The following CACNA1C variants were observed in gnomAD, a reference collection of about 807,000 sequenced individuals.
CACNA1C encodes voltage-dependent L-type calcium channel subunit alpha-1C.
A neutral mutation model predicts 229.0 loss-of-function variants in CACNA1C; 30 were observed. That is an observed-to-expected ratio of 0.13 (90% CI 0.10 to 0.18). The LOEUF (loss-of-function observed/expected upper bound fraction) is 0.18, where lower values mean the gene tolerates loss of function less well. Ranked by LOEUF, CACNA1C falls within the 10% of genes least tolerant of loss-of-function variation. The pLI, the probability that CACNA1C is intolerant of heterozygous loss-of-function variation, is 1.00. For synonymous variants in CACNA1C, 1,114 were observed against 1,132.5 expected, an observed-to-expected ratio of 0.98 and a Z score of 0.33; for missense variants, 1,658 against 2,845.0, an observed-to-expected ratio of 0.58 and a Z score of 9.49.
At chr12:2,115,735 C>G (rs1277411743) in intron 2 of CACNA1C, among the ~76,000 whole-genome samples, 190 bp downstream of exon 2, 2 of 152,258 alleles carry the variant, frequency 1.3e-5, no homozygotes, top group Non-Finnish European at 2.9e-5. Flanking sequence ...CTGGATGAAT[C>G]AGAATATCTG....
At chr12:2,198,131 A>C (rs898545764) in intron 3 of CACNA1C, among the ~76,000 whole-genome samples, 1 of 152,192 alleles carries the variant, frequency 6.6e-6, no homozygotes, top group Non-Finnish European at 1.5e-5. Flanking sequence ...GTCGAGGCCG[A>C]GTTTGCATCC....
chr12:2,662,214 T>A (rs2153697046), intron 34 of CACNA1C, among the ~76,000 whole-genome samples: 1 of 148,994 alleles, frequency 6.7e-6, no homozygotes, highest in South Asian at 2.2e-4. Flanking sequence ...TGCACTGCAG[T>A]CTGGGGGACA....
chr12:2,355,787 G>A (rs751808223), intron 3 of CACNA1C, among the ~76,000 whole-genome samples: 41 of 152,332 alleles, frequency 2.7e-4, no homozygotes, highest in East Asian at 1.4e-3. Flanking sequence ...GGCATCTAGC[G>A]GGTAGAGGCC....
At chr12:2,674,750 G>T in intron 39 of CACNA1C, 108 bp downstream of exon 39, 1 of 1,087,948 alleles carries the variant, frequency 9.2e-7, no homozygotes, top group South Asian at 1.6e-5. Flanking sequence ...CATCCCCTGA[G>T]ACTTGCTTCT....
chr12:2,609,399 G>T (rs2076658737), intron 27 of CACNA1C, among the ~76,000 whole-genome samples: 1 of 151,848 alleles, frequency 6.6e-6, no homozygotes, highest in South Asian at 2.1e-4. Context: ...AGCGCAGCGT[G>T]GTGTGCTCCT....
intron 3 of CACNA1C, among the ~76,000 whole-genome samples, chr12:2,178,871 G>A (rs1373152519): frequency 2.0e-5 from 3 of 152,096 alleles, no homozygotes; most frequent in African/African-American, 7.2e-5. Context: ...AGACCAGCCT[G>A]GCCAACATGA....
At chr12:2,581,885 C>G in intron 14 of CACNA1C, 88 bp downstream of exon 14, 1 of 788,622 alleles carries the variant, frequency 1.3e-6, no homozygotes, top group South Asian at 1.7e-5. Context: ...ACCCTTTTAC[C>G]GGGCAGCCAC....
chr12:2,586,918 T>C (rs1252505539), intron 18 of CACNA1C, among the ~76,000 whole-genome samples: 1 of 152,246 alleles, frequency 6.6e-6, no homozygotes, highest in African/African-American at 2.4e-5. Context: ...TTTGAAGTTC[T>C]TAAAACCCCT....
intron 9 of CACNA1C, among the ~76,000 whole-genome samples, chr12:2,516,807 A>G (rs962146743): frequency 2.0e-5 from 3 of 152,210 alleles, no homozygotes; most frequent in African/African-American, 7.2e-5. Context: ...TGAGTATGTA[A>G]TAAGGAATGA....
At chr12:2,268,222 A>T (rs2083192351) in intron 3 of CACNA1C, among the ~76,000 whole-genome samples, 1 of 152,000 alleles carries the variant, frequency 6.6e-6, no homozygotes, top group South Asian at 2.1e-4. Flanking sequence ...CCCTCTGAAG[A>T]GGGTTTAGCT....
intron 3 of CACNA1C, among the ~76,000 whole-genome samples, chr12:2,240,489 G>A (rs1324412656): frequency 6.6e-6 from 1 of 152,220 alleles, no homozygotes; most frequent in African/African-American, 2.4e-5. Flanking sequence ...AAAAGCCACT[G>A]ATAGGGCTCC....
intron 3 of CACNA1C, among the ~76,000 whole-genome samples, chr12:2,416,359 T>C (rs2098900457): frequency 6.8e-6 from 1 of 146,640 alleles, no homozygotes; most frequent in African/African-American, 2.5e-5. Context: ...GAAGGAGTGG[T>C]GGAAGAAAAG....
chr12:2,633,941 C>G lies in CACNA1C; in HGVS notation c.3829-356C>G, dbSNP rs2091723332. 6.6e-6 allele frequency among the ~76,000 whole-genome samples: 1 copy of G among 152,198 alleles called. No homozygotes were observed. The highest frequency in any genetic ancestry group is 1.5e-5 in the Non-Finnish European group (1 of 68,034). On this transcript the variant is annotated intron_variant, in intron 29 of 46. Transcript: ENST00000399655. The surrounding 1 kb of genome is among the most constrained non-coding windows in gnomAD (Gnocchi z 5.8). ...CCATTTACCTCAGCTCTGCCCGGCG[C>G]TGCCGGGCTGGGGCGTGGAGCTGAG...
chr12:2,688,617 C>T lies in CACNA1C; in HGVS notation c.5955C>T (p.Ser1985=), dbSNP rs2097649401. 3 of 1,613,876 alleles carry T rather than the reference C, an allele frequency of 1.9e-6. No homozygotes were observed. The highest frequency in any genetic ancestry group is 2.5e-6 in the Non-Finnish European group (3 of 1,179,904). ...TCGAGTCCAGTGAGAAACTCAACAGCAGCTTCCCATCCATCCACTGCGGCT... is the reference window on the plus strand; with the variant it reads ...TCGAGTCCAGTGAGAAACTCAACAGTAGCTTCCCATCCATCCACTGCGGCT... ...EGVESSEKLN[S]SFPSIHCGSW... is the part of the protein sequence containing the mutation. Residue 1985 remains serine, a synonymous_variant, in exon 46 of 47, where the codon AGC becomes AGT. Transcript: ENST00000399655.
intron 3 of CACNA1C, among the ~76,000 whole-genome samples, chr12:2,399,102 A>G (rs1487988550): frequency 6.6e-6 from 1 of 152,104 alleles, no homozygotes; most frequent in Admixed American, 6.6e-5. Context: ...CTTTGTGGGA[A>G]GGGGAGCATG....
At chr12:2,040,785 A>G (rs2049947717) in intron 1 of CACNA1C, among the ~76,000 whole-genome samples, 1 of 152,186 alleles carries the variant, frequency 6.6e-6, no homozygotes, top group African/African-American at 2.4e-5. Flanking sequence ...GTACCCTGCT[A>G]TGTCTATACT....
intron 5 of CACNA1C, among the ~76,000 whole-genome samples, chr12:2,469,050 G>T (rs1019716748): frequency 1.3e-5 from 2 of 152,200 alleles, no homozygotes; most frequent in African/African-American, 2.4e-5. Flanking sequence ...GAACGTTTCA[G>T]AGCCACCAAG....
chr12:2,525,582 A>T (rs2154580930), intron 9 of CACNA1C, among the ~76,000 whole-genome samples: 1 of 152,296 alleles, frequency 6.6e-6, no homozygotes, highest in South Asian at 2.1e-4. Flanking sequence ...GACCATAAAC[A>T]CACCCACAAG....
chr12:2,552,440 G>A (rs567077650), intron 10 of CACNA1C, among the ~76,000 whole-genome samples: 3 of 152,212 alleles, frequency 2.0e-5, no homozygotes, highest in Non-Finnish European at 1.5e-5. Context: ...AATTCCAGCT[G>A]AGAACAGAAG....
Sources: gnomAD v4.1 joint callset for allele counts (sites outside exome capture counted in the v4.1 genomes callset) on GRCh38, gnomAD v4.1.1 for gene constraint, Gnocchi (gnomAD v3.1) non-coding constraint, MANE v1.5 for transcripts, NCBI Gene and HGNC (gene_info 2026-07-23, HGNC 2026-07-21) for gene names.